Variants in DCAF6 observed in about 807,000 individuals in gnomAD.
DCAF6 encodes DDB1 and CUL4 associated factor 6.
DCAF6 carries 54 observed loss-of-function variants against 125.1 expected under a neutral mutation model. The ratio of observed to expected loss-of-function variants is 0.43; its 90% CI spans 0.35 to 0.54. The LOEUF (loss-of-function observed/expected upper bound fraction) is 0.54, where lower values mean the gene tolerates loss of function less well. Among genes scored for constraint, DCAF6 ranks in the 20% least tolerant of loss-of-function variants. DCAF6 has a pLI of 0.01. For synonymous variants in DCAF6, 371 were observed against 390.4 expected (o/e 0.95, Z 0.58); for missense variants, 934 against 1,161.7 (o/e 0.80, Z 2.85).
At chr1:167,936,181 T>G, upstream of DCAF6, 1 of 275,804 alleles carries the variant, frequency 3.6e-6, no homozygotes. Flanking sequence ...CAGGCCGAGC[T>G]GCCCGCCATG....
At chr1:167,883,780 G>T in the DCAF6 span, 1 of 760,900 alleles carries the variant, frequency 1.3e-6, no homozygotes, top group Non-Finnish European at 2.3e-6. Context: ...CTGAAGTGGA[G>T]CAGATGGAAA....
At chr1:167,870,154 G>T in the DCAF6 span, 1 of 1,271,014 alleles carries the variant, frequency 7.9e-7, no homozygotes, top group Non-Finnish European at 1.1e-6. Flanking sequence ...ATAATTGTAG[G>T]TTATAGATAA....
intron 2 of DCAF6, among the ~76,000 whole-genome samples, chr1:167,958,345 GT>G (rs1002502461): frequency 1.2e-4 from 15 of 126,730 alleles, no homozygotes; most frequent in Middle Eastern, 3.7e-3. Flanking sequence ...GTTTTTTTTT[GT>G]TTTTTTTTTG....
chr1:167,938,004 A>G (rs535585654), intron 1 of DCAF6, among the ~76,000 whole-genome samples: 2 of 152,302 alleles, frequency 1.3e-5, no homozygotes, highest in African/African-American at 2.4e-5. Flanking sequence ...TCTCATTACA[A>G]CCAACAGTTC....
upstream of DCAF6, chr1:167,935,891 G>T (rs779725806): frequency 7.2e-6 from 10 of 1,394,866 alleles, no homozygotes; most frequent in Non-Finnish European, 9.9e-6. Flanking sequence ...CTGTGTTCTC[G>T]TCCCTGGCTG....
At chr1:168,033,498 T>A (rs1419217096) in intron 12 of DCAF6, among the ~76,000 whole-genome samples, 2 of 151,868 alleles carry the variant, frequency 1.3e-5, no homozygotes, top group African/African-American at 2.4e-5. Context: ...TGTATTTTTT[T>A]AGTAGAGACG....
chr1:167,904,631 A>G, the DCAF6 span: 1 of 536,294 alleles, frequency 1.9e-6, no homozygotes, highest in East Asian at 2.9e-5. Context: ...CAAGTTTATT[A>G]GTAAGATGTA....
chr1:167,975,908 AG>A (rs1678077903), intron 4 of DCAF6, among the ~76,000 whole-genome samples: 1 of 152,160 alleles, frequency 6.6e-6, no homozygotes, highest in Non-Finnish European at 1.5e-5. Flanking sequence ...AATTATTGAT[AG>A]GTTTCCCATT....
the DCAF6 span, among the ~76,000 whole-genome samples, chr1:167,876,661 A>C: frequency 6.6e-6 from 1 of 152,180 alleles, no homozygotes; most frequent in East Asian, 1.9e-4. Context: ...AAAATCATGA[A>C]GAGTACAGGC....
the DCAF6 span, chr1:167,899,704 C>A: frequency 2.1e-6 from 3 of 1,428,880 alleles, no homozygotes; most frequent in East Asian, 4.7e-5. Context: ...TTTGGAAAAA[C>A]CATAATCTTG....
chr1:168,030,381 A>T (rs1294367934), intron 12 of DCAF6, among the ~76,000 whole-genome samples: 1 of 152,244 alleles, frequency 6.6e-6, no homozygotes, highest in Non-Finnish European at 1.5e-5. Context: ...GAACCTCAGT[A>T]TGCAGGACAA....
At chr1:167,981,410 T>C (rs1251920233) in intron 4 of DCAF6, among the ~76,000 whole-genome samples, 1 of 152,178 alleles carries the variant, frequency 6.6e-6, no homozygotes, top group African/African-American at 2.4e-5. Flanking sequence ...GAGGGGTACA[T>C]GTGCAGGTTT....
At chr1:167,916,121 T>C in the DCAF6 span, among the ~76,000 whole-genome samples, 1 of 152,278 alleles carries the variant, frequency 6.6e-6, no homozygotes. Context: ...ACTTCTAATA[T>C]ATTCTTACTA....
At chr1:167,903,432 C>T in the DCAF6 span, among the ~76,000 whole-genome samples, 7 of 151,632 alleles carry the variant, frequency 4.6e-5, no homozygotes, top group African/African-American at 1.5e-4. Flanking sequence ...GGTGTGGGGG[C>T]GGGCGCCTGT....
rs757952182 is a variant in DCAF6 at position 167,966,638 on chromosome 1, A to G, written c.169A>G (p.Ile57Val). 1.6e-5 allele frequency: 25 copies of G among 1,590,848 alleles called. No homozygotes were observed. The Admixed American group carries it at 2.2e-4, about 14-fold the overall frequency. The change falls in exon 3 of 22, where the codon ATC (isoleucine) becomes GTC (valine). Residue 57 changes from isoleucine to valine, a missense_variant. Transcript: ENST00000367840. ...LNVHDGCVNT[I>V]CWNDTGEYIL... ...TTTGCTTTCTCTTTAGGTTAATACA[A>G]TCTGTTGGAATGACACTGGAGAATA...
At chr1:167,985,196 T>TGTGTGTGTGTGTGTGTG (rs1553223549) in intron 4 of DCAF6, among the ~76,000 whole-genome samples, 1 of 149,934 alleles carries the variant, frequency 6.7e-6, no homozygotes, top group Non-Finnish European at 1.5e-5. Context: ...TGTGTGTGTG[T>TGTGTGTGTGTGTGTGTG]GTGTGTGTGT....
chr1:168,066,025 A>G lies in DCAF6; in HGVS notation c.2596+279A>G, dbSNP rs115015863. ...TTGGTGTGACTGAACTTTTTATTGTATATCCAAATGGAACATCCAGTCATT... is the reference window on the plus strand; with the variant it reads ...TTGGTGTGACTGAACTTTTTATTGTGTATCCAAATGGAACATCCAGTCATT... On this transcript the variant is annotated intron_variant, in intron 19 of 21. Transcript: ENST00000367840. 3.3e-3 allele frequency among the ~76,000 whole-genome samples: 504 copies of G among 152,330 alleles called. 3 individuals carry two copies. Among genetic ancestry groups the G allele is most frequent in the African/African-American group, 0.012 (486 of 41,576 alleles).
upstream of DCAF6, among the ~76,000 whole-genome samples, chr1:167,932,556 C>G (rs534499566): frequency 6.6e-6 from 1 of 152,040 alleles, no homozygotes; most frequent in South Asian, 2.1e-4. Context: ...CACCTGTAAT[C>G]CCAGCACTTT....
the DCAF6 span, among the ~76,000 whole-genome samples, chr1:167,885,149 G>A: frequency 1.3e-5 from 2 of 152,058 alleles, no homozygotes; most frequent in Non-Finnish European, 2.9e-5. Flanking sequence ...ATAGTACTTC[G>A]TTGTGTATAT....
Sources: allele counts gnomAD v4.1 joint callset (sites outside exome capture counted in the v4.1 genomes callset), GRCh38; gene constraint gnomAD v4.1.1; transcripts MANE v1.5; gene names NCBI Gene and HGNC (gene_info 2026-07-23, HGNC 2026-07-21).